The following SLC4A3 variants were observed in gnomAD, a reference collection of about 807,000 sequenced individuals.
SLC4A3 encodes the protein anion exchange protein 3.
Under a neutral mutation model 114.2 loss-of-function variants are expected in SLC4A3, and 47 were observed. The ratio of observed to expected loss-of-function variants is 0.41; its 90% CI spans 0.33 to 0.52. The LOEUF is 0.52. SLC4A3 is among the 20% of genes least tolerant of loss of function. SLC4A3 has a pLI of 0.21. For missense variants in SLC4A3, 1,312 were observed against 1,668.3 expected, an observed-to-expected ratio of 0.79 and a Z score of 3.72; for synonymous variants, 693 against 710.3, an observed-to-expected ratio of 0.98 and a Z score of 0.39.
chr2:219,635,330 C>G lies in SLC4A3; in HGVS notation c.1806C>G (p.Ser602Arg). 1 of 1,614,124 alleles carries G rather than the reference C, an allele frequency of 6.2e-7. No individual in the cohort carries two copies. The highest frequency in any genetic ancestry group is 1.1e-5 in the South Asian group (1 of 91,088). Residue 602 changes from serine (S) to arginine (R), a missense_variant, in exon 13 of 23, where the codon AGC (serine) becomes AGG (arginine). Ser to Arg is a moderately radical substitution (Grantham distance 110). Transcript: ENST00000358055. ...DDRQDLLSAI[S>R]EFLDGSIVIP... ...GGCAAGACCTCCTAAGTGCCATCAG[C>G]GAGTTCCTGGATGGCAGCATTGTGA...
In SLC4A3 at chr2:219,636,800, C is replaced by T; in HGVS notation, c.2461C>T (p.Pro821Ser). 2 of 1,614,114 alleles carry T rather than the reference C, an allele frequency of 1.2e-6. No individual in the cohort carries two copies. Among genetic ancestry groups the T allele is most frequent in the Non-Finnish European group, 1.7e-6 (2 of 1,179,994 alleles). Residue 821 changes from proline to serine, a missense_variant, in exon 16 of 23, where the codon CCT becomes TCT. Pro to Ser is a moderately conservative substitution (Grantham distance 74). Coordinates refer to ENST00000358055, the MANE Select transcript of SLC4A3 (RefSeq NM_005070.4). This position sits in a 1 kb window ranked among gnomAD's most constrained non-coding sequence, Gnocchi z 5.5. The part of the protein sequence containing the change: ...EGSFLVRYIS[P>S]FTQEIFAFLI... Reference sequence around the variant, plus strand: ...CAGCTTCCTGGTCCGCTACATCTCGCCTTTCACCCAGGAGATCTTTGCCTT... The same window carrying T: ...CAGCTTCCTGGTCCGCTACATCTCGTCTTTCACCCAGGAGATCTTTGCCTT...
In SLC4A3 at chr2:219,632,866, C is replaced by A. The variant is rs748999346; in HGVS notation, c.1142-8C>A. On this transcript the variant is annotated splice_region_variant and splice_polypyrimidine_tract_variant and intron_variant, in intron 8 of 22. Transcript: ENST00000358055. Reference sequence around the variant, plus strand: ...CTGTGCCCTCTCTGTGCCTGACTGTCCCCCTAGGAGCTGCCCTCCTGGACC... The same window carrying A: ...CTGTGCCCTCTCTGTGCCTGACTGTACCCCTAGGAGCTGCCCTCCTGGACC... 1.9e-6 allele frequency: 3 copies of A among 1,613,946 alleles called. No homozygotes were observed. Among genetic ancestry groups the A allele is most frequent in the South Asian group, 1.1e-5 (1 of 91,076 alleles).
In SLC4A3 at chr2:219,634,458, G is replaced by T. The variant is rs151023127; in HGVS notation, c.1600G>T (p.Val534Leu). 1.9e-6 allele frequency: 3 copies of T among 1,614,104 alleles called. No homozygotes were observed. The highest frequency in any genetic ancestry group is 2.5e-6 in the Non-Finnish European group (3 of 1,180,026). ...PFLEQPAAAF[V>L]RLNEAVLLES... ...CTTGGAGCAGCCTGCAGCAGCCTTC[G>T]TGCGTCTGAATGAGGCTGTACTCCT... Residue 534 changes from valine (V) to leucine (L), a missense_variant, in exon 12 of 23, where the codon GTG becomes TTG. Coordinates refer to ENST00000358055, the MANE Select transcript of SLC4A3 (RefSeq NM_005070.4).
intron 11 of SLC4A3, 88 bp downstream of exon 11, chr2:219,634,067 C>A (rs1323854563): frequency 3.6e-6 from 5 of 1,400,664 alleles, no homozygotes; most frequent in African/African-American, 1.5e-5. Flanking sequence ...GGCCTCGAGG[C>A]CGCCTCTTCC....
Position 219,631,202 on chromosome 2 carries a change from G to A in SLC4A3, c.812-766G>A, listed in dbSNP as rs1698906359. The A allele has an allele frequency of 1.8e-5, 22 of 1,222,832 alleles. No individual in the cohort carries two copies. Among genetic ancestry groups the A allele is most frequent in the Non-Finnish European group, 2.3e-5 (22 of 946,684 alleles). 75.7% of individuals were successfully genotyped at this position (1,222,832 alleles called of 1,614,324 possible). ...CCTTGTAGGAGAGCCGAGGGGTCTG[G>A]TAGGGAGCGGAGGCCGAGGTCTCGG... On this transcript the variant is annotated intron_variant, in intron 6 of 22. Transcript: ENST00000358055. This position sits in a 1 kb window ranked among gnomAD's most constrained non-coding sequence, Gnocchi z 6.3.
In SLC4A3 at chr2:219,635,732, ACGGGCT is replaced by A. The variant is rs1279714285; in HGVS notation, c.2036_2041del (p.Gly679_Ser680del). Reference sequence around the variant, plus strand: ...CCCTGAAGATGACCCCTTGCTGCGGACGGGCTCGGTATTTGGGGGGCTTGTGCGGGA... The same window carrying A: ...CCCTGAAGATGACCCCTTGCTGCGGACGGTATTTGGGGGGCTTGTGCGGGA... On this transcript the variant is annotated inframe_deletion, in exon 14 of 23. Coordinates refer to ENST00000358055, the MANE Select transcript of SLC4A3 (RefSeq NM_005070.4). 1 of 1,596,846 alleles carries A rather than the reference ACGGGCT, an allele frequency of 6.3e-7. No individual in the cohort carries two copies. The highest frequency in any genetic ancestry group is 2.2e-5 in the East Asian group (1 of 44,616).
chr2:219,628,373 G>C lies in SLC4A3; in HGVS notation c.52-32G>C, dbSNP rs368249966. 5.1e-6 allele frequency: 8 copies of C among 1,580,618 alleles called. No homozygotes were observed. The East Asian group carries it at 1.4e-4, about 27-fold the overall frequency. ...TGGGTGTGGGGCCTTCATGGGTCAGGGGTCCTTAGCAGAGGCCGTCTGGGC... is the reference window on the plus strand; with the variant it reads ...TGGGTGTGGGGCCTTCATGGGTCAGCGGTCCTTAGCAGAGGCCGTCTGGGC... On this transcript the variant is annotated intron_variant, in intron 2 of 22. Coordinates refer to ENST00000358055, the MANE Select transcript of SLC4A3 (RefSeq NM_005070.4). The surrounding 1 kb of genome is among the most constrained non-coding windows in gnomAD (Gnocchi z 4.8).
chr2:219,629,058 C>T, intron 3 of SLC4A3, 86 bp from the exon 4 acceptor site: 1 of 1,456,402 alleles, frequency 6.9e-7, no homozygotes, highest in Non-Finnish European at 9.1e-7. Context: ...TTGTTTGCGG[C>T]CTTGAGCTGG....
rs1443675791 is a variant in SLC4A3 at position 219,635,384 on chromosome 2, C to G, written c.1860C>G (p.Asp620Glu). 1 of 1,614,070 alleles carries G rather than the reference C, an allele frequency of 6.2e-7. No individual in the cohort carries two copies. Among genetic ancestry groups the G allele is most frequent in the African/African-American group, 1.3e-5 (1 of 74,926 alleles). ...VIPPSEVEGR[D>E]LLRSVAAFQR... ...CCCCGTCCGAGGTGGAGGGCCGTGA[C>G]CTGCTGCGCTCCGTGGCTGCTTTCC... is the stretch of plus-strand genomic sequence containing the variant. The change falls in exon 13 of 23, where the codon GAC becomes GAG. Residue 620 changes from aspartate to glutamate, a missense_variant. Around this residue, in one of 4 missense-constraint regions of SLC4A3, gnomAD observed 771 missense variants for 977.7 expected, o/e 0.79. Coordinates refer to ENST00000358055, the MANE Select transcript of SLC4A3 (RefSeq NM_005070.4).
At chr2:219,640,634 G>A in intron 21 of SLC4A3, 35 bp downstream of exon 21, 3 of 1,604,106 alleles carry the variant, frequency 1.9e-6, no homozygotes, top group East Asian at 2.2e-5. Flanking sequence ...GGGCAGTGGG[G>A]TGACGGGAAG....
In SLC4A3 at chr2:219,637,192, G is replaced by A. The variant is rs2106198501; in HGVS notation, c.2535+318G>A. On this transcript the variant is annotated intron_variant, in intron 16 of 22. Transcript: ENST00000358055. This position sits in a 1 kb window ranked among gnomAD's most constrained non-coding sequence, Gnocchi z 4.6. ...TGTCCTTGGGTCACCTTTTGTAGAGGAGTGTGTGTGTGTGTGTGGGTGTGG... is the reference window on the plus strand; with the variant it reads ...TGTCCTTGGGTCACCTTTTGTAGAGAAGTGTGTGTGTGTGTGTGGGTGTGG... 7.2e-6 allele frequency among the ~76,000 whole-genome samples: 1 copy of A among 139,252 alleles called. No homozygotes were observed. The highest frequency in any genetic ancestry group is 2.5e-5 in the African/African-American group (1 of 39,320). 91.4% of individuals were successfully genotyped at this position (139,252 alleles called of 152,430 possible). A position where few individuals can be genotyped will look rare whatever the true frequency, so the allele number is the denominator to read the frequency against.
Position 219,629,627 on chromosome 2 carries a change from G to T in SLC4A3, c.543G>T (p.Arg181Ser). 6.2e-7 allele frequency: 1 copy of T among 1,613,338 alleles called. No individual in the cohort carries two copies. Among genetic ancestry groups the T allele is most frequent in the Non-Finnish European group, 8.5e-7 (1 of 1,179,854 alleles). ...ATGACAGTCCAGGCCTCCCTGGGAG[G>T]GCTGCTGTCACCAAGCCCCTGCCCT... Reference protein sequence around the residue: ...DEDDSPGLPGRAAVTKPLPSV... With the variant: ...DEDDSPGLPGSAAVTKPLPSV... The change falls in exon 5 of 23, where the codon AGG (arginine) becomes AGT (serine). Residue 181 changes from arginine (R) to serine (S), a missense_variant. Around this residue, in one of 4 missense-constraint regions of SLC4A3, gnomAD observed 771 missense variants for 977.7 expected, o/e 0.79. Transcript: ENST00000358055.
chr2:219,634,313 C>A, intron 11 of SLC4A3, 107 bp from the exon 12 acceptor site: 2 of 1,108,176 alleles, frequency 1.8e-6, no homozygotes, highest in Non-Finnish European at 2.6e-6. Flanking sequence ...TTTCTTTGCG[C>A]AGTTTACAAC....
chr2:219,637,257 TTG>T lies in SLC4A3; in HGVS notation c.2536-313_2536-312del, dbSNP rs1175173248. Among the ~76,000 whole-genome samples the T allele has an allele frequency of 1.3e-5, 2 of 150,464 alleles. No individual in the cohort carries two copies. Among genetic ancestry groups the T allele is most frequent in the Non-Finnish European group, 3.0e-5 (2 of 67,414 alleles). ...TGGTGTGTTGTGTGTGATGTATGTGTTGTGTGTGTGTGCGTGTGTGTGCCTGT... is the reference window on the plus strand; with the variant it reads ...TGGTGTGTTGTGTGTGATGTATGTGTTGTGTGTGTGCGTGTGTGTGCCTGT... On this transcript the variant is annotated intron_variant, in intron 16 of 22. Transcript: ENST00000358055. The surrounding 1 kb of genome is among the most constrained non-coding windows in gnomAD (Gnocchi z 4.6).
At position 219,633,260 on chromosome 2, in the gene SLC4A3, C is replaced by T; in HGVS notation, c.1278-14C>T. The T allele has an allele frequency of 6.5e-7, 1 of 1,548,712 alleles. No individual in the cohort carries two copies. Among genetic ancestry groups the T allele is most frequent in the Non-Finnish European group, 8.8e-7 (1 of 1,142,618 alleles). ...AGCCTCTCCTCCTCACCTGCCTCAC[C>T]CTGCCCCTTCCAGCCATCCCAACGA... On this transcript the variant is annotated splice_polypyrimidine_tract_variant and intron_variant, in intron 9 of 22. Coordinates refer to ENST00000358055, the MANE Select transcript of SLC4A3 (RefSeq NM_005070.4).
In SLC4A3 at chr2:219,633,113, G is replaced by A. The variant is rs1698994011; in HGVS notation, c.1277+104G>A. ...CAGCCTCTGCTTGAATGCCACAAGT[G>A]ACAGAGAGCTCATTTCTATCTTTTG... On this transcript the variant is annotated intron_variant, in intron 9 of 22. Transcript: ENST00000358055. 9.0e-6 allele frequency: 13 copies of A among 1,444,164 alleles called. No homozygotes were observed. The South Asian group carries it at 1.5e-4, about 17-fold the overall frequency. The allele number at this position is 1,444,164 out of a possible 1,614,324, so 89.5% of individuals were successfully genotyped here.
intron 10 of SLC4A3, 125 bp from the exon 11 acceptor site, chr2:219,633,755 G>A: frequency 6.9e-7 from 1 of 1,447,496 alleles, no homozygotes; most frequent in South Asian, 1.3e-5. Context: ...TGGGGCCACA[G>A]TGCAGTACCT....
rs1407533141 is a variant in SLC4A3 at position 219,638,260 on chromosome 2, G to A, written c.2856+7G>A. The A allele has an allele frequency of 3.7e-6, 6 of 1,604,976 alleles. No individual in the cohort carries two copies. The highest frequency in any genetic ancestry group is 5.1e-6 in the Non-Finnish European group (6 of 1,174,036). On this transcript the variant is annotated splice_region_variant and intron_variant, in intron 18 of 22. Transcript: ENST00000358055. This position sits in a 1 kb window ranked among gnomAD's most constrained non-coding sequence, Gnocchi z 7.5. Reference sequence around the variant, plus strand: ...CACAGACACCTACACGCAGGTGAGGGAGCCCCAGCCTGTGGCAGCTGCTGT... The same window carrying A: ...CACAGACACCTACACGCAGGTGAGGAAGCCCCAGCCTGTGGCAGCTGCTGT...
rs771895254 is a variant in SLC4A3 at position 219,638,760 on chromosome 2, A to G, written c.2914A>G (p.Ile972Val). The G allele has an allele frequency of 6.2e-7, 1 of 1,614,104 alleles. No individual in the cohort carries two copies. Among genetic ancestry groups the G allele is most frequent in the Non-Finnish European group, 8.5e-7 (1 of 1,180,014 alleles). ...CTCTCCCGATAAGCGCTCGTGGTTC[A>G]TCCCACCCCTGGGCAGTGCCCGTCC... ...VTSPDKRSWF[I>V]PPLGSARPFP... is the part of the protein sequence containing the mutation. Residue 972 changes from isoleucine (I) to valine (V), a missense_variant, in exon 19 of 23, where the codon ATC becomes GTC. Transcript: ENST00000358055. The surrounding 1 kb of genome is among the most constrained non-coding windows in gnomAD (Gnocchi z 7.5).
Sources: allele counts gnomAD v4.1 joint callset (sites outside exome capture counted in the v4.1 genomes callset), GRCh38; gene constraint gnomAD v4.1.1; regional missense constraint gnomAD v4.1.1; non-coding constraint Gnocchi (gnomAD v3.1); transcripts MANE v1.5; gene names NCBI Gene and HGNC (gene_info 2026-07-23, HGNC 2026-07-21).